VPS13D: variants seen among roughly 807,000 people sequenced by gnomAD.
The protein encoded by VPS13D is intermembrane lipid transfer protein VPS13D.
Under a neutral mutation model 461.9 loss-of-function variants are expected in VPS13D, and 187 were observed. The observed-to-expected ratio is 0.40, with a 90% CI of 0.36 to 0.46. The LOEUF is 0.46. Among genes scored for constraint, VPS13D ranks in the 20% least tolerant of loss-of-function variants. The pLI is 0.60. For missense variants in VPS13D, 4,711 were observed against 5,364.9 expected, an observed-to-expected ratio of 0.88 and a Z score of 3.81; for synonymous variants, 1,951 against 1,986.3, an observed-to-expected ratio of 0.98 and a Z score of 0.47.
At chr1:12,315,272 C>T (rs1205098716) in intron 30 of VPS13D, among the ~76,000 whole-genome samples, 2 of 152,180 alleles carry the variant, frequency 1.3e-5, no homozygotes, top group Non-Finnish European at 2.9e-5. Flanking sequence ...AAAAAGTCAT[C>T]AGGATTATTC....
chr1:12,256,336 G>A lies in VPS13D; in HGVS notation c.673G>A (p.Ala225Thr), dbSNP rs12057307. 5.5e-3 allele frequency: 8,870 copies of A among 1,613,364 alleles called. 405 individuals carry two copies. In the African/African-American group the frequency reaches 0.099, roughly 18 times the overall value. Residue 225 changes from alanine to threonine, a missense_variant, in exon 8 of 70, where the codon GCC becomes ACC. Ala to Thr is a moderately conservative substitution (Grantham distance 58). Around this residue, in one of 3 missense-constraint regions of VPS13D, gnomAD observed 4,411 missense variants for 4,937.8 expected, o/e 0.89. Coordinates refer to ENST00000620676, the MANE Select transcript of VPS13D (RefSeq NM_015378.4). ...CAGGTGTTCTTGTGACACACAGGAG[G>A]CCATGGCCAGGAGCATGGAGAGTCG... ...GDLPQMELQE[A>T]MARSMESRSH...
At chr1:12,252,754 A>G (rs1640776787) in intron 6 of VPS13D, among the ~76,000 whole-genome samples, 2 of 149,384 alleles carry the variant, frequency 1.3e-5, no homozygotes, top group Non-Finnish European at 3.0e-5. Context: ...CCTGGGTGAC[A>G]GAGTGAGATT....
intron 65 of VPS13D, among the ~76,000 whole-genome samples, chr1:12,453,139 GCCACAGCA>G (rs1645284572): frequency 6.6e-6 from 1 of 152,148 alleles, no homozygotes; most frequent in South Asian, 2.1e-4. Flanking sequence ...AGCTGAGGCT[GCCACAGCA>G]GACTTAGTTG....
At chr1:12,408,110 A>G (rs1254896544) in intron 63 of VPS13D, among the ~76,000 whole-genome samples, 1 of 152,214 alleles carries the variant, frequency 6.6e-6, no homozygotes, top group Admixed American at 6.5e-5. Context: ...GTACTTTATC[A>G]TCACTCACCA....
chr1:12,369,277 A>T (rs143073249), intron 53 of VPS13D, among the ~76,000 whole-genome samples, 190 bp from the exon 54 acceptor site: 360 of 151,398 alleles, frequency 2.4e-3, no homozygotes, highest in Non-Finnish European at 4.1e-3. Flanking sequence ...TTAATTGGTG[A>T]GTTTTTTTGG....
At chr1:12,309,461 G>A (rs1642670254) in intron 27 of VPS13D, among the ~76,000 whole-genome samples, 1 of 151,482 alleles carries the variant, frequency 6.6e-6, no homozygotes, top group African/African-American at 2.4e-5. Context: ...CACCTGCCTT[G>A]GCATGCCCGC....
At chr1:12,258,786 T>G (rs1265757438) in intron 10 of VPS13D, among the ~76,000 whole-genome samples, 1 of 152,212 alleles carries the variant, frequency 6.6e-6, no homozygotes, top group African/African-American at 2.4e-5. Context: ...TACTGCCCCT[T>G]AACTAACCAC....
rs79517639 is a variant in VPS13D at position 12,488,054 on chromosome 1, G to A, written c.12663-9446G>A. Among the ~76,000 whole-genome samples, 730 of 152,318 alleles carry A rather than the reference G, an allele frequency of 4.8e-3. 3 individuals are homozygous for A. Among genetic ancestry groups the A allele is most frequent in the African/African-American group, 0.017 (703 of 41,574 alleles). On this transcript the variant is annotated intron_variant, in intron 67 of 69. Coordinates refer to ENST00000620676, the MANE Select transcript of VPS13D (RefSeq NM_015378.4). ...GGTCAGGTGAGTGAAAACGTTTTAA[G>A]CACTCCTTTCTTCAGAAAACACCTC...
intron 1 of VPS13D, among the ~76,000 whole-genome samples, chr1:12,233,973 G>A (rs1269037964): frequency 2.6e-5 from 4 of 152,116 alleles, no homozygotes; most frequent in Middle Eastern, 3.2e-3. Context: ...GCTTGAACCC[G>A]GGAGGCAGAG....
chr1:12,279,452 G>A lies in VPS13D; in HGVS notation c.4451-47G>A, dbSNP rs1436697622. On this transcript the variant is annotated intron_variant, in intron 19 of 69. Transcript: ENST00000620676. This position sits in a 1 kb window ranked among gnomAD's most constrained non-coding sequence, Gnocchi z 4.3. Reference sequence around the variant, plus strand: ...TCTACGTTTAATCAGCAGTAATGAAGTAAATATTAAGGTTTATGGTCTATC... The same window carrying A: ...TCTACGTTTAATCAGCAGTAATGAAATAAATATTAAGGTTTATGGTCTATC... 6.6e-7 allele frequency: 1 copy of A among 1,521,344 alleles called. No homozygotes were observed. The highest frequency in any genetic ancestry group is 8.9e-7 in the Non-Finnish European group (1 of 1,122,968). The allele number at this position is 1,521,344 out of a possible 1,614,324, so 94.2% of individuals were successfully genotyped here.
At chr1:12,474,036 G>A (rs1364447469) in intron 67 of VPS13D, among the ~76,000 whole-genome samples, 6 of 152,246 alleles carry the variant, frequency 3.9e-5, no homozygotes, top group Non-Finnish European at 7.4e-5. Flanking sequence ...CTCTGGGTTC[G>A]AGCAGAGTTC....
intron 22 of VPS13D, among the ~76,000 whole-genome samples, chr1:12,290,195 A>G (rs1252041400): frequency 6.6e-6 from 1 of 152,200 alleles, no homozygotes; most frequent in Non-Finnish European, 1.5e-5. Context: ...ATATCAGAGT[A>G]GTTTCAAATC....
chr1:12,236,723 T>TA (rs1269706583), intron 2 of VPS13D, among the ~76,000 whole-genome samples: 4 of 152,182 alleles, frequency 2.6e-5, no homozygotes, highest in Non-Finnish European at 5.9e-5. Context: ...TTTACTGTTC[T>TA]AGATGCTTTG....
chr1:12,398,956 C>G (rs1323371502), intron 60 of VPS13D, among the ~76,000 whole-genome samples: 1 of 152,094 alleles, frequency 6.6e-6, no homozygotes, highest in African/African-American at 2.4e-5. Flanking sequence ...GAAGCAAGGG[C>G]CTCTCTTCTC....
intron 35 of VPS13D, among the ~76,000 whole-genome samples, chr1:12,326,615 A>G (rs771460729): frequency 4.0e-5 from 6 of 151,316 alleles, no homozygotes; most frequent in Non-Finnish European, 7.4e-5. Flanking sequence ...GCTTATAAGC[A>G]TTAGCCACTG....
rs550044315 is a variant in VPS13D at position 12,329,925 on chromosome 1, A to G, written c.8287+7A>G. 1.5e-4 allele frequency: 243 copies of G among 1,609,380 alleles called. 2 individuals carry two copies. The South Asian group carries it at 2.5e-3, about 17-fold the overall frequency. On this transcript the variant is annotated splice_region_variant and intron_variant, in intron 37 of 69. Coordinates refer to ENST00000620676, the MANE Select transcript of VPS13D (RefSeq NM_015378.4). ...TATAACCGTGCTCTTTCAGGTCAGT[A>G]TAAAGCATATGTTATCATGGGATTT...
chr1:12,310,950 T>C (rs1253919539), intron 27 of VPS13D, among the ~76,000 whole-genome samples: 1 of 147,666 alleles, frequency 6.8e-6, no homozygotes, highest in Non-Finnish European at 1.5e-5. Context: ...AGGGTCTCAC[T>C]CTGTCACACA....
At chr1:12,342,456 G>A (rs532028514) in intron 41 of VPS13D, among the ~76,000 whole-genome samples, 5 of 152,338 alleles carry the variant, frequency 3.3e-5, no homozygotes, top group South Asian at 4.1e-4. Context: ...GGTCGTTCCA[G>A]CTGAGGTCAT....
chr1:12,320,683 G>C (rs146466993), intron 32 of VPS13D, among the ~76,000 whole-genome samples: 1 of 152,162 alleles, frequency 6.6e-6, no homozygotes, highest in Non-Finnish European at 1.5e-5. Flanking sequence ...CACAATACTA[G>C]CTTTGAATGG....
Sources: gnomAD v4.1 joint callset for allele counts (sites outside exome capture counted in the v4.1 genomes callset) on GRCh38, gnomAD v4.1.1 for gene constraint, gnomAD v4.1.1 regional missense constraint, Gnocchi (gnomAD v3.1) non-coding constraint, MANE v1.5 for transcripts, NCBI Gene and HGNC (gene_info 2026-07-23, HGNC 2026-07-21) for gene names.